TFAP2B: variants seen among roughly 807,000 people sequenced by gnomAD.
TFAP2B encodes the protein transcription factor AP-2 beta, also known as transcription factor AP-2-beta.
Under a neutral mutation model 44.3 loss-of-function variants are expected in TFAP2B, and 9 were observed. The observed-to-expected ratio is 0.20, with a 90% confidence interval of 0.12 to 0.35. TFAP2B has a LOEUF of 0.35. Ranked by LOEUF, TFAP2B falls within the 10% of genes least tolerant of loss-of-function variation. The pLI is 1.00. For missense variants in TFAP2B, 509 were observed against 600.0 expected (o/e 0.85, Z 1.59); for synonymous variants, 270 against 263.8 (o/e 1.02, Z -0.23).
intron 5 of TFAP2B, among the ~76,000 whole-genome samples, chr6:50,838,372 C>T (rs140027646): frequency 6.6e-6 from 1 of 152,184 alleles, no homozygotes; most frequent in African/African-American, 2.4e-5. Flanking sequence ...CCTGCTGTCA[C>T]GTGCAGGACA....
chr6:50,819,729 G>C (rs754311581), intron 1 of TFAP2B, among the ~76,000 whole-genome samples: 1 of 152,212 alleles, frequency 6.6e-6, no homozygotes, highest in Non-Finnish European at 1.5e-5. Context: ...GCCGCCTCCG[G>C]GGCCCGGACC....
intron 1 of TFAP2B, among the ~76,000 whole-genome samples, chr6:50,822,393 G>T (rs1483581628): frequency 6.6e-6 from 1 of 152,062 alleles, no homozygotes; most frequent in African/African-American, 2.4e-5. Flanking sequence ...GGGAGAGGCC[G>T]AAAAGAAAAA....
At position 50,844,267 on chromosome 6, in the gene TFAP2B, T is replaced by C. The variant is rs2113963006; in HGVS notation, c.*875T>C. On this transcript the variant is annotated 3_prime_UTR_variant, in exon 7 of 7. Coordinates refer to ENST00000393655, the MANE Select transcript of TFAP2B (RefSeq NM_003221.4). ...TCTCACATTTATTATATTTGTGTCA[T>C]CTACTAATTTTATGAACTATAGTAA... 6.9e-6 allele frequency: 1 copy of C among 144,976 alleles called. No homozygotes were observed. The highest frequency in any genetic ancestry group is 2.3e-4 in the South Asian group (1 of 4,426). 9.0% of individuals were successfully genotyped at this position (144,976 alleles called of 1,614,324 possible). A position where few individuals can be genotyped will look rare whatever the true frequency, so the allele number is the denominator to read the frequency against.
At chr6:50,838,142 G>T (rs777971022) in intron 5 of TFAP2B, 49 bp downstream of exon 5, 8 of 1,329,598 alleles carry the variant, frequency 6.0e-6, no homozygotes, top group Non-Finnish European at 8.7e-6. Context: ...CTTAACTGTC[G>T]GCTGGAGGCT....
intron 3 of TFAP2B, among the ~76,000 whole-genome samples, chr6:50,831,782 T>C (rs2113943208): frequency 6.6e-6 from 1 of 152,302 alleles, no homozygotes; most frequent in Admixed American, 6.5e-5. Context: ...AAGAAGCCAA[T>C]ATGCAATCTG....
rs2113968557 is a variant in TFAP2B, at chr6:50,847,511, T to G, written c.*4119T>G. 6.5e-6 allele frequency: 1 copy of G among 152,776 alleles called. No individual in the cohort carries two copies. Among genetic ancestry groups the G allele is most frequent in the Admixed American group, 6.5e-5 (1 of 15,308 alleles). 9.5% of individuals were successfully genotyped at this position (152,776 alleles called of 1,614,324 possible). On this transcript the variant is annotated 3_prime_UTR_variant, in exon 7 of 7. Transcript: ENST00000393655. The stretch of plus-strand genomic sequence containing the variant: ...ACCCTAGATAGAATCCTATCTGAAT[T>G]TTTCTGTTCTTTATAAACAAGCTGT...
chr6:50,833,698 C>A (rs909981421), intron 3 of TFAP2B, among the ~76,000 whole-genome samples: 14 of 152,212 alleles, frequency 9.2e-5, no homozygotes, highest in African/African-American at 3.1e-4. Context: ...GTGAATCAGG[C>A]AATTAACAAT....
At chr6:50,819,836 C>CGAGGCGGGCGAGGTGGGA (rs771363967) in intron 1 of TFAP2B, among the ~76,000 whole-genome samples, 4 of 151,682 alleles carry the variant, frequency 2.6e-5, no homozygotes, top group African/African-American at 4.8e-5. Context: ...ACGAGGCGGC[C>CGAGGCGGGCGAGGTGGGA]GAGGCGGGCG....
chr6:50,826,270 G>T (rs919943419), intron 2 of TFAP2B, among the ~76,000 whole-genome samples: 4 of 152,106 alleles, frequency 2.6e-5, no homozygotes, highest in African/African-American at 4.8e-5. Flanking sequence ...CGATCTCAAG[G>T]ACCTCGTGTG....
chr6:50,840,316 G>A lies in TFAP2B; in HGVS notation c.1082+19G>A. ...CCACCAAGTGAGTTTATTAGACTCT[G>A]GGCCCTCATCTCACTCCCAGCTGGC... On this transcript the variant is annotated intron_variant, in intron 6 of 6. Coordinates refer to ENST00000393655, the MANE Select transcript of TFAP2B (RefSeq NM_003221.4). The A allele has an allele frequency of 6.2e-7, 1 of 1,612,604 alleles. No individual in the cohort carries two copies. The highest frequency in any genetic ancestry group is 8.5e-7 in the Non-Finnish European group (1 of 1,180,010).
chr6:50,841,963 T>C (rs1762741959), intron 6 of TFAP2B, among the ~76,000 whole-genome samples: 1 of 152,216 alleles, frequency 6.6e-6, no homozygotes, highest in African/African-American at 2.4e-5. Flanking sequence ...GGCAGCACCC[T>C]AGGAAAGGAT....
chr6:50,837,787 T>C (rs953528176), intron 4 of TFAP2B, among the ~76,000 whole-genome samples, 188 bp from the exon 5 acceptor site: 9 of 152,032 alleles, frequency 5.9e-5, no homozygotes, highest in African/African-American at 2.2e-4. Flanking sequence ...TTAAAAAAAA[T>C]TCTCTGTATT....
intron 1 of TFAP2B, among the ~76,000 whole-genome samples, chr6:50,819,262 T>C (rs1270497690): frequency 7.0e-6 from 1 of 142,748 alleles, no homozygotes; most frequent in East Asian, 2.4e-4. Flanking sequence ...TAAGCTCTGA[T>C]GGGGAATGTG....
chr6:50,819,372 C>G (rs1391761667), intron 1 of TFAP2B, among the ~76,000 whole-genome samples: 1 of 151,582 alleles, frequency 6.6e-6, no homozygotes, highest in African/African-American at 2.4e-5. Flanking sequence ...GGTTTTCAAG[C>G]CTCATTTGTA....
At position 50,843,493 on chromosome 6, in the gene TFAP2B, T is replaced by A; in HGVS notation, c.*101T>A. 2 of 1,256,470 alleles carry A rather than the reference T, an allele frequency of 1.6e-6. No individual in the cohort carries two copies. The highest frequency in any genetic ancestry group is 2.4e-5 in the Admixed American group (1 of 42,222). The allele number at this position is 1,256,470 out of a possible 1,614,324, so 77.8% of individuals were successfully genotyped here. On this transcript the variant is annotated 3_prime_UTR_variant, in exon 7 of 7. Transcript: ENST00000393655. ...AAATATTGGATTGGCTTTGGAAGAATTATATTAGGTAGAATACACATACAA... is the reference window on the plus strand; with the variant it reads ...AAATATTGGATTGGCTTTGGAAGAAATATATTAGGTAGAATACACATACAA...
At chr6:50,822,492 G>A (rs1423966517) in intron 1 of TFAP2B, among the ~76,000 whole-genome samples, 4 of 152,116 alleles carry the variant, frequency 2.6e-5, no homozygotes, top group African/African-American at 9.7e-5. Flanking sequence ...TTCCAGAGAA[G>A]AGAGGGAGAA....
At chr6:50,820,897 T>G (rs1425825224) in intron 1 of TFAP2B, among the ~76,000 whole-genome samples, 229 of 98,272 alleles carry the variant, frequency 2.3e-3, no homozygotes, top group Middle Eastern at 5.3e-3. Context: ...GAGGGAGGGG[T>G]GGAGTGGAAG....
intron 5 of TFAP2B, 120 bp downstream of exon 5, chr6:50,838,213 T>C (rs1160213361): frequency 6.5e-6 from 6 of 921,290 alleles, no homozygotes; most frequent in African/African-American, 1.6e-5. Flanking sequence ...TCTTATGAGC[T>C]GGATGTCAAG....
intron 6 of TFAP2B, among the ~76,000 whole-genome samples, chr6:50,842,821 C>A (rs964070771): frequency 1.3e-5 from 2 of 152,136 alleles, no homozygotes; most frequent in Non-Finnish European, 2.9e-5. Flanking sequence ...CGAGTCCAGG[C>A]GGTCCTGGAA....
Sources: gnomAD v4.1 joint callset for allele counts (sites outside exome capture counted in the v4.1 genomes callset) on GRCh38, gnomAD v4.1.1 for gene constraint, MANE v1.5 for transcripts, NCBI Gene and HGNC (gene_info 2026-07-23, HGNC 2026-07-21) for gene names.